Variants in PGGT1B observed in about 807,000 individuals in gnomAD.
PGGT1B encodes the protein protein geranylgeranyltransferase type I subunit beta.
PGGT1B carries 30 observed loss-of-function variants against 46.1 expected under a neutral mutation model. The observed-to-expected ratio is 0.65, with a 90% confidence interval of 0.49 to 0.88. PGGT1B has a LOEUF of 0.88. Ranked by LOEUF, PGGT1B falls within the 40% of genes least tolerant of loss-of-function variation. The pLI, the probability that PGGT1B is intolerant of heterozygous loss-of-function variation, is 0.00. For synonymous variants in PGGT1B, 170 were observed against 160.0 expected, an observed-to-expected ratio of 1.06 and a Z score of -0.47; for missense variants, 376 against 455.9, an observed-to-expected ratio of 0.82 and a Z score of 1.60.
At chr5:115,242,236 T>C (rs1188107602) in intron 2 of PGGT1B, among the ~76,000 whole-genome samples, 1 of 152,218 alleles carries the variant, frequency 6.6e-6, no homozygotes, top group Non-Finnish European at 1.5e-5. Flanking sequence ...CATACTTTTT[T>C]TCTATCTAAA....
chr5:115,222,049 G>A, intron 6 of PGGT1B, 41 bp from the exon 7 acceptor site: 2 of 1,225,194 alleles, frequency 1.6e-6, no homozygotes, highest in Non-Finnish European at 2.2e-6. Context: ...CTTCAAATTA[G>A]ATGCTTATGA....
chr5:115,260,529 A>T (rs1748511030), intron 1 of PGGT1B, among the ~76,000 whole-genome samples: 1 of 152,172 alleles, frequency 6.6e-6, no homozygotes, highest in Admixed American at 6.5e-5. Flanking sequence ...CTTCACAAGC[A>T]TTTTAAAGTC....
At chr5:115,240,197 G>A (rs1050948157) in intron 3 of PGGT1B, among the ~76,000 whole-genome samples, 1 of 152,084 alleles carries the variant, frequency 6.6e-6, no homozygotes, top group Admixed American at 6.6e-5. Context: ...GTGAATGAAG[G>A]TCCAAAAAGG....
chr5:115,250,785 C>T (rs911772124), intron 2 of PGGT1B, among the ~76,000 whole-genome samples: 2 of 152,278 alleles, frequency 1.3e-5, no homozygotes, highest in East Asian at 3.9e-4. Flanking sequence ...ACTAGCACTC[C>T]AGAAGCCTCT....
intron 7 of PGGT1B, among the ~76,000 whole-genome samples, chr5:115,217,250 C>T (rs576333835): frequency 5.9e-5 from 9 of 151,820 alleles, no homozygotes; most frequent in African/African-American, 1.9e-4. Context: ...AAAGACAACT[C>T]GAATCCACTC....
rs770976194 is a variant in PGGT1B at position 115,241,605 on chromosome 5, T to C, written c.261A>G (p.Arg87=). 26 of 1,605,070 alleles carry C rather than the reference T, an allele frequency of 1.6e-5. 1 individual carries two copies. Among genetic ancestry groups the C allele is most frequent in the Non-Finnish European group, 1.8e-5 (21 of 1,174,848 alleles). The change falls in exon 3 of 9, where the codon AGA becomes AGG. Residue 87 remains arginine, a splice_region_variant and synonymous_variant. Coordinates refer to ENST00000419445, the MANE Select transcript of PGGT1B (RefSeq NM_005023.4). ...GGAAACCACAGCGATTTAGATTTGA[T>C]CCTAGAAAATAAAAGCATGTGCTTA... ...YSLQVLPTED[R]SNLNRCGFRG...
intron 8 of PGGT1B, among the ~76,000 whole-genome samples, chr5:115,216,294 C>T (rs1756414757): frequency 6.6e-6 from 1 of 152,114 alleles, no homozygotes; most frequent in African/African-American, 2.4e-5. Flanking sequence ...CACGCATCAC[C>T]ACACCTGGCT....
At chr5:115,213,489 G>C (rs1212765719) in intron 8 of PGGT1B, among the ~76,000 whole-genome samples, 1 of 152,150 alleles carries the variant, frequency 6.6e-6, no homozygotes, top group Non-Finnish European at 1.5e-5. Flanking sequence ...GTTCAAAACA[G>C]GCTGGGTGTG....
intron 7 of PGGT1B, among the ~76,000 whole-genome samples, chr5:115,220,743 T>C (rs545892188): frequency 2.6e-5 from 4 of 152,082 alleles, no homozygotes; most frequent in Non-Finnish European, 5.9e-5. Flanking sequence ...TAAGAAATTA[T>C]GGCTAATTGT....
Position 115,212,267 on chromosome 5 carries a change from C to T in PGGT1B, c.*135G>A. ...AAGATTACTGGCTCAAGACCATATC[C>T]CAAAGTGAAATCAGCAGGAGATTTG... On this transcript the variant is annotated 3_prime_UTR_variant, in exon 9 of 9. Coordinates refer to ENST00000419445, the MANE Select transcript of PGGT1B (RefSeq NM_005023.4). 1 of 1,473,790 alleles carries T rather than the reference C, an allele frequency of 6.8e-7. No individual in the cohort carries two copies. The highest frequency in any genetic ancestry group is 9.0e-7 in the Non-Finnish European group (1 of 1,110,744). The allele number at this position is 1,473,790 out of a possible 1,614,324, so 91.3% of individuals were successfully genotyped here.
At chr5:115,228,243 C>A (rs1756855208) in intron 6 of PGGT1B, among the ~76,000 whole-genome samples, 2 of 152,128 alleles carry the variant, frequency 1.3e-5, no homozygotes, top group Admixed American at 1.3e-4. Context: ...GTGCCATCAA[C>A]ACAGAGATAA....
chr5:115,217,729 A>C (rs966397087), intron 7 of PGGT1B, among the ~76,000 whole-genome samples: 5 of 152,058 alleles, frequency 3.3e-5, no homozygotes, highest in African/African-American at 9.6e-5. Context: ...CAAAAAGAAA[A>C]GCTAAACTCA....
chr5:115,217,872 C>G (rs1200573998), intron 7 of PGGT1B, among the ~76,000 whole-genome samples: 1 of 151,828 alleles, frequency 6.6e-6, no homozygotes, highest in Non-Finnish European at 1.5e-5. Flanking sequence ...CTGGTCATTA[C>G]ATAAAAATGA....
intron 6 of PGGT1B, among the ~76,000 whole-genome samples, chr5:115,222,291 G>A (rs1288164919): frequency 1.3e-5 from 2 of 152,116 alleles, no homozygotes; most frequent in Non-Finnish European, 2.9e-5. Flanking sequence ...CAGCAGATTT[G>A]GAACTAAAGT....
At chr5:115,258,718 G>A (rs1748426903) in intron 1 of PGGT1B, among the ~76,000 whole-genome samples, 1 of 152,154 alleles carries the variant, frequency 6.6e-6, no homozygotes, top group African/African-American at 2.4e-5. Flanking sequence ...TCTAGTCCCT[G>A]TCTCTCTTCA....
At chr5:115,255,369 T>C (rs1207759500) in intron 1 of PGGT1B, among the ~76,000 whole-genome samples, 2 of 152,318 alleles carry the variant, frequency 1.3e-5, no homozygotes, top group East Asian at 3.9e-4. Context: ...GTGGTAATTA[T>C]GTCTCATGAG....
intron 2 of PGGT1B, among the ~76,000 whole-genome samples, chr5:115,251,317 T>C (rs1748085036): frequency 6.6e-6 from 1 of 152,116 alleles, no homozygotes; most frequent in African/African-American, 2.4e-5. Context: ...ACAAAATTAT[T>C]ATGGATAATA....
chr5:115,230,466 T>G (rs965003683), intron 6 of PGGT1B, among the ~76,000 whole-genome samples: 6 of 152,132 alleles, frequency 3.9e-5, no homozygotes, highest in Non-Finnish European at 7.4e-5. Context: ...ATTATTCTAG[T>G]TCTGCCAAAG....
chr5:115,231,676 G>A (rs907611356), intron 5 of PGGT1B: 3 of 151,704 alleles, frequency 2.0e-5, no homozygotes, highest in African/African-American at 4.8e-5. Flanking sequence ...TGAGAGGAGG[G>A]GAGCTAACAG....
Sources: allele counts gnomAD v4.1 joint callset (sites outside exome capture counted in the v4.1 genomes callset), GRCh38; gene constraint gnomAD v4.1.1; transcripts MANE v1.5; gene names NCBI Gene and HGNC (gene_info 2026-07-23, HGNC 2026-07-21).